Variants in SHISA9 observed in about 807,000 individuals in gnomAD.
The protein encoded by SHISA9 is protein shisa-9.
SHISA9 carries 13 observed loss-of-function variants against 38.0 expected under a neutral mutation model. The observed-to-expected ratio is 0.34, with a 90% CI of 0.22 to 0.54. The LOEUF (loss-of-function observed/expected upper bound fraction) is 0.54. Ranked by LOEUF, SHISA9 falls within the 20% of genes least tolerant of loss-of-function variation. The pLI, the probability that SHISA9 is intolerant of heterozygous loss-of-function variation, is 0.91. For missense variants in SHISA9, 538 were observed against 575.8 expected (o/e 0.93, Z 0.67); for synonymous variants, 275 against 242.0 (o/e 1.14, Z -1.27).
At chr16:12,926,225 C>T (rs1258367425) in intron 2 of SHISA9, among the ~76,000 whole-genome samples, 1 of 152,154 alleles carries the variant, frequency 6.6e-6, no homozygotes, top group African/African-American at 2.4e-5. Flanking sequence ...TGACCTTTCT[C>T]ATGCCTTTCT....
chr16:13,345,327 G>A, the SHISA9 span, among the ~76,000 whole-genome samples: 2 of 152,048 alleles, frequency 1.3e-5, no homozygotes, highest in Admixed American at 1.3e-4. Flanking sequence ...TCATCATTTA[G>A]CTCCCACTTG....
chr16:13,091,148 C>T (rs140593153), intron 2 of SHISA9, among the ~76,000 whole-genome samples: 154 of 152,212 alleles, frequency 1.0e-3, no homozygotes, highest in African/African-American at 1.5e-3. Context: ...CTGGCTTGCA[C>T]GGTTTCTGCT....
intron 2 of SHISA9, among the ~76,000 whole-genome samples, chr16:13,199,913 C>A (rs1169417202): frequency 6.6e-6 from 1 of 152,314 alleles, no homozygotes; most frequent in South Asian, 2.1e-4. Context: ...GCTCTTACAT[C>A]CCTGAGCGAG....
chr16:13,250,282 T>A, the SHISA9 span, among the ~76,000 whole-genome samples: 5 of 152,016 alleles, frequency 3.3e-5, no homozygotes, highest in South Asian at 1.0e-3. Context: ...ACTTAAAGCT[T>A]AGGGGTGGAG....
At chr16:13,348,762 T>G in the SHISA9 span, among the ~76,000 whole-genome samples, 1 of 151,822 alleles carries the variant, frequency 6.6e-6, no homozygotes, top group Non-Finnish European at 1.5e-5. Context: ...ATCATGGAGG[T>G]CCGATCTGCA....
At chr16:13,401,461 C>A in the SHISA9 span, among the ~76,000 whole-genome samples, 10 of 152,280 alleles carry the variant, frequency 6.6e-5, no homozygotes, top group South Asian at 1.7e-3. Context: ...TGTCTGTGTT[C>A]CCCCAGTGTT....
chr16:12,948,781 G>A (rs376329379), intron 2 of SHISA9, among the ~76,000 whole-genome samples: 1 of 152,146 alleles, frequency 6.6e-6, no homozygotes, highest in Non-Finnish European at 1.5e-5. Context: ...TGAAGCTGGG[G>A]TGGGACACAG....
chr16:13,319,637 G>A, the SHISA9 span, among the ~76,000 whole-genome samples: 1 of 151,996 alleles, frequency 6.6e-6, no homozygotes, highest in Non-Finnish European at 1.5e-5. Flanking sequence ...TGCGTGGGGA[G>A]CAGGGGGGTT....
the SHISA9 span, among the ~76,000 whole-genome samples, chr16:13,542,897 G>A: frequency 6.6e-6 from 1 of 152,146 alleles, no homozygotes; most frequent in Non-Finnish European, 1.5e-5. Context: ...TTACTGACAG[G>A]CAGGTTCCAG....
intron 2 of SHISA9, chr16:13,082,354 C>A (rs1452385084): frequency 6.7e-6 from 1 of 148,668 alleles, no homozygotes; most frequent in Non-Finnish European, 1.5e-5. Flanking sequence ...GTTTAAAGAC[C>A]TGAGTTCCTC....
chr16:13,365,069 A>G, the SHISA9 span, among the ~76,000 whole-genome samples: 1 of 152,184 alleles, frequency 6.6e-6, no homozygotes, highest in Non-Finnish European at 1.5e-5. Context: ...AAGTAATAAT[A>G]ATAGCTGGCA....
intron 2 of SHISA9, among the ~76,000 whole-genome samples, chr16:13,022,403 C>G (rs1293441070): frequency 1.3e-5 from 2 of 152,060 alleles, no homozygotes; most frequent in Non-Finnish European, 2.9e-5. Flanking sequence ...ACGGTCTTGG[C>G]TCACTGCAAC....
At position 13,113,174 on chromosome 16, in the gene SHISA9, T is replaced by A. The variant is rs1004885405; in HGVS notation, c.692-90220T>A. ...GCAGTGAGCCAAGATCATCCTGCTG[T>A]ACTCCAGCCTGGACAACAGAATGAG... On this transcript the variant is annotated intron_variant, in intron 2 of 4. Transcript: ENST00000558583. Among the ~76,000 whole-genome samples, 16 of 131,070 alleles carry A rather than the reference T, an allele frequency of 1.2e-4. No individual in the cohort carries two copies. The Admixed American group carries it at 1.5e-3, about 12-fold the overall frequency. The allele number at this position is 131,070 out of a possible 152,430, so 86.0% of individuals were successfully genotyped here.
chr16:13,496,746 C>CA, the SHISA9 span, among the ~76,000 whole-genome samples: 15 of 151,190 alleles, frequency 9.9e-5, no homozygotes, highest in Non-Finnish European at 1.3e-4. Context: ...TTAGAAAATA[C>CA]AAAAAAAATC....
rs974243180 is a variant in SHISA9, at chr16:13,151,298, G to A, written c.692-52096G>A. 9.3e-4 allele frequency among the ~76,000 whole-genome samples: 142 copies of A among 152,026 alleles called. 4 individuals carry two copies. Among genetic ancestry groups the A allele is most frequent in the Non-Finnish European group, 1.9e-4 (13 of 68,028 alleles). ...ATTTTTGTATTTTTAGTAGAGATGG[G>A]GTTTCACCATGTTGGCCAGGCTGGT... is the stretch of plus-strand genomic sequence containing the variant. On this transcript the variant is annotated intron_variant, in intron 2 of 4. Transcript: ENST00000558583.
At chr16:13,279,482 T>C in the SHISA9 span, among the ~76,000 whole-genome samples, 1 of 151,944 alleles carries the variant, frequency 6.6e-6, no homozygotes, top group African/African-American at 2.4e-5. Flanking sequence ...CTTCCAGTTA[T>C]TAATCTCAAA....
the SHISA9 span, among the ~76,000 whole-genome samples, chr16:13,297,613 G>A: frequency 2.0e-5 from 3 of 152,292 alleles, no homozygotes; most frequent in South Asian, 2.1e-4. Context: ...TCCCTTAGGC[G>A]GGAAAAGATT....
At chr16:13,251,466 G>A in the SHISA9 span, among the ~76,000 whole-genome samples, 1 of 152,138 alleles carries the variant, frequency 6.6e-6, no homozygotes, top group Admixed American at 6.5e-5. Context: ...CTGGAAGTGT[G>A]AGAGGGTTAA....
chr16:13,197,126 C>CACACACACACACAG (rs1441162397), intron 2 of SHISA9, among the ~76,000 whole-genome samples: 3,403 of 150,184 alleles, frequency 0.023, 66 homozygotes, highest in Middle Eastern at 0.065. Flanking sequence ...CACACACACA[C>CACACACACACACAG]ACACACACAC....
Sources: allele counts gnomAD v4.1 joint callset (sites outside exome capture counted in the v4.1 genomes callset), GRCh38; gene constraint gnomAD v4.1.1; transcripts MANE v1.5; gene names NCBI Gene and HGNC (gene_info 2026-07-23, HGNC 2026-07-21).